DIAPH3: variants seen among roughly 807,000 people sequenced by gnomAD.
DIAPH3 encodes the protein diaphanous related formin 3.
Under a neutral mutation model 144.3 loss-of-function variants are expected in DIAPH3, and 117 were observed. That is an observed-to-expected ratio of 0.81 (90% CI 0.70 to 0.95). The LOEUF (loss-of-function observed/expected upper bound fraction) is 0.95, where lower values mean the gene tolerates loss of function less well. Ranked by LOEUF, DIAPH3 falls within the 40% of genes least tolerant of loss-of-function variation. The pLI, the probability that DIAPH3 is intolerant of heterozygous loss-of-function variation, is 0.00. For missense variants in DIAPH3, 1,421 were observed against 1,412.7 expected (o/e 1.01, Z -0.09); for synonymous variants, 519 against 488.9 (o/e 1.06, Z -0.81).
At chr13:59,911,960 C>A in intron 19 of DIAPH3, 124 bp from the exon 20 acceptor site, 1 of 783,812 alleles carries the variant, frequency 1.3e-6, no homozygotes, top group Non-Finnish European at 2.1e-6. Flanking sequence ...TCTAGGTAAC[C>A]TCCCTCCTAA....
chr13:60,058,557 T>C (rs557394459), intron 4 of DIAPH3, among the ~76,000 whole-genome samples: 1 of 151,982 alleles, frequency 6.6e-6, no homozygotes, highest in East Asian at 1.9e-4. Context: ...GAAAGACACC[T>C]GGACACGTAT....
chr13:59,685,131 G>A (rs73542572), intron 27 of DIAPH3, among the ~76,000 whole-genome samples: 4,577 of 152,140 alleles, frequency 0.03, 237 homozygotes, highest in African/African-American at 0.1. Flanking sequence ...AAGATTATTG[G>A]GGAGTGTAGG....
intron 27 of DIAPH3, among the ~76,000 whole-genome samples, chr13:59,773,629 G>A (rs2038235118): frequency 6.6e-6 from 1 of 152,182 alleles, no homozygotes. Context: ...GTTGGGCATG[G>A]AGGACTGGTT....
chr13:59,799,941 C>G (rs1466861332), intron 25 of DIAPH3, among the ~76,000 whole-genome samples: 3 of 152,060 alleles, frequency 2.0e-5, no homozygotes, highest in Non-Finnish European at 2.9e-5. Flanking sequence ...TCATGTCCCT[C>G]CTTTCTTGTA....
intron 20 of DIAPH3, among the ~76,000 whole-genome samples, chr13:59,896,789 T>A (rs2046126317): frequency 1.3e-5 from 2 of 152,226 alleles, no homozygotes; most frequent in Admixed American, 1.3e-4. Context: ...GAAGAGAAGC[T>A]TATTCTAATT....
In DIAPH3 at chr13:59,727,797, G is replaced by A. The variant is rs147512752; in HGVS notation, c.3319+46392C>T. Among the ~76,000 whole-genome samples, 81 of 152,192 alleles carry A rather than the reference G, an allele frequency of 5.3e-4. No individual in the cohort carries two copies. In the East Asian group the frequency reaches 0.013, roughly 25 times the overall value. On this transcript the variant is annotated intron_variant, in intron 27 of 27. Coordinates refer to ENST00000400324, the MANE Select transcript of DIAPH3 (RefSeq NM_001042517.2). ...TCTGTTATTAAAAAGGCCTGGCTGCGGCTTCATACAGAGGGTCTACCACCA... is the reference window on the plus strand; with the variant it reads ...TCTGTTATTAAAAAGGCCTGGCTGCAGCTTCATACAGAGGGTCTACCACCA...
intron 9 of DIAPH3, among the ~76,000 whole-genome samples, chr13:59,993,008 G>C (rs79815811): frequency 6.6e-6 from 1 of 151,752 alleles, no homozygotes; most frequent in African/African-American, 2.4e-5. Context: ...CATCAAGAGA[G>C]ACTCAAAGTC....
At chr13:60,021,174 A>G (rs1001422702) in intron 5 of DIAPH3, among the ~76,000 whole-genome samples, 1 of 152,212 alleles carries the variant, frequency 6.6e-6, no homozygotes, top group African/African-American at 2.4e-5. Flanking sequence ...CTCATGTAGC[A>G]AAGGAGAAAT....
At chr13:59,705,190 C>CA (rs59907018) in intron 27 of DIAPH3, among the ~76,000 whole-genome samples, 4,875 of 148,954 alleles carry the variant, frequency 0.033, 269 homozygotes, top group African/African-American at 0.11. Context: ...AACAGACCGG[C>CA]AAAAAAAAAT....
At chr13:59,930,832 G>A (rs766047487) in intron 17 of DIAPH3, among the ~76,000 whole-genome samples, 1 of 152,122 alleles carries the variant, frequency 6.6e-6, no homozygotes, top group African/African-American at 2.4e-5. Context: ...TAATCCAAAC[G>A]AAAGTCAATG....
At position 60,008,500 on chromosome 13, in the gene DIAPH3, T is replaced by C. The variant is rs558815649; in HGVS notation, c.1014+44A>G. ...CCAATCATAAAACCGTTAAAAGTAA[T>C]ATATGCCATTTAAAAACAGATTTTA... On this transcript the variant is annotated intron_variant, in intron 9 of 27. Transcript: ENST00000400324. 38 of 1,279,700 alleles carry C rather than the reference T, an allele frequency of 3.0e-5. 1 individual carries two copies. In the East Asian group the frequency reaches 7.2e-4, roughly 24 times the overall value. The allele number at this position is 1,279,700 out of a possible 1,614,324, so 79.3% of individuals were successfully genotyped here. A position where few individuals can be genotyped will look rare whatever the true frequency, so the allele number is the denominator to read the frequency against.
chr13:59,776,303 A>C (rs1274641676), intron 25 of DIAPH3, among the ~76,000 whole-genome samples: 1 of 152,188 alleles, frequency 6.6e-6, no homozygotes, highest in Non-Finnish European at 1.5e-5. Flanking sequence ...TTATCAAAAA[A>C]GGTGGGTGAG....
In DIAPH3 at chr13:59,861,509, T is replaced by C. The variant is rs1334745024; in HGVS notation, c.2635A>G (p.Lys879Glu). 4 of 1,613,826 alleles carry C rather than the reference T, an allele frequency of 2.5e-6. No homozygotes were observed. The Admixed American group carries it at 5.0e-5, about 20-fold the overall frequency. The change falls in exon 22 of 28, where the codon AAA becomes GAA. Residue 879 changes from lysine to glutamate, a missense_variant. Physicochemically the swap from Lys to Glu is moderately conservative, Grantham distance 56. Coordinates refer to ENST00000400324, the MANE Select transcript of DIAPH3 (RefSeq NM_001042517.2). ...ACCAGGAAATGAAGTAGCGTTGTTT[T>C]CTGATCTGCTGATTTTGTGTCCTTT... ...KLKDTKSADQ[K>E]TTLLHFLVEI...
chr13:60,128,731 G>C (rs528916185), intron 2 of DIAPH3, among the ~76,000 whole-genome samples: 2 of 149,972 alleles, frequency 1.3e-5, no homozygotes, highest in South Asian at 4.2e-4. Context: ...AGCTATAGCT[G>C]TTAACCATTT....
chr13:59,786,988 G>A (rs2039067367), intron 25 of DIAPH3, among the ~76,000 whole-genome samples: 1 of 152,062 alleles, frequency 6.6e-6, no homozygotes, highest in South Asian at 2.1e-4. Flanking sequence ...TGTAGTCCCA[G>A]CTACTCAAGG....
Position 59,974,360 on chromosome 13 carries a change from T to G in DIAPH3, c.1642A>C (p.Lys548Gln). 6.2e-7 allele frequency: 1 copy of G among 1,612,372 alleles called. No individual in the cohort carries two copies. Among genetic ancestry groups the G allele is most frequent in the Non-Finnish European group, 8.5e-7 (1 of 1,179,356 alleles). The change falls in exon 15 of 28, where the codon AAG (lysine) becomes CAG (glutamine). Residue 548 changes from lysine (K) to glutamine (Q), a missense_variant. Physicochemically the swap from Lys to Gln is moderately conservative, Grantham distance 53. Coordinates refer to ENST00000400324, the MANE Select transcript of DIAPH3 (RefSeq NM_001042517.2). ...TCAGAGTGGAATTTTACCTGAGACT[T>G]AAAAGCTTGTAGCTCTGCTTGAAGC... ...NELQAELQAF[K>Q]SQFGALPADC... is the part of the protein sequence containing the mutation.
chr13:59,783,414 T>C (rs140613115), intron 25 of DIAPH3, among the ~76,000 whole-genome samples: 134 of 152,270 alleles, frequency 8.8e-4, no homozygotes, highest in African/African-American at 3.1e-3. Flanking sequence ...TATGTTAAGT[T>C]GAAATGTTCA....
chr13:59,807,722 G>A (rs1303424668), intron 25 of DIAPH3, among the ~76,000 whole-genome samples: 1 of 151,918 alleles, frequency 6.6e-6, no homozygotes, highest in Non-Finnish European at 1.5e-5. Flanking sequence ...ACCATGTTTA[G>A]GAAGAGATAG....
intron 27 of DIAPH3, among the ~76,000 whole-genome samples, chr13:59,763,576 C>T (rs897902332): frequency 6.6e-6 from 1 of 152,066 alleles, no homozygotes; most frequent in African/African-American, 2.4e-5. Flanking sequence ...CCCAGCTACT[C>T]GCAAGGCTGA....
Sources: gnomAD v4.1 joint callset for allele counts (sites outside exome capture counted in the v4.1 genomes callset) on GRCh38, gnomAD v4.1.1 for gene constraint, MANE v1.5 for transcripts, NCBI Gene and HGNC (gene_info 2026-07-23, HGNC 2026-07-21) for gene names.